Variants in ESRP1 observed in about 807,000 individuals in gnomAD.
ESRP1 encodes the protein epithelial splicing regulatory protein 1.
Under a neutral mutation model 81.7 loss-of-function variants are expected in ESRP1, and 33 were observed. The ratio of observed to expected loss-of-function variants is 0.40; its 90% CI spans 0.31 to 0.54. The LOEUF (loss-of-function observed/expected upper bound fraction) is 0.54, where lower values mean the gene tolerates loss of function less well. Among genes scored for constraint, ESRP1 ranks in the 20% least tolerant of loss-of-function variants. The probability of loss-of-function intolerance (pLI) is 0.41; values close to 1 mark genes in which losing one functional copy is unlikely to be tolerated. For missense variants in ESRP1, 672 were observed against 833.1 expected (o/e 0.81, Z 2.38); for synonymous variants, 320 against 303.3 (o/e 1.06, Z -0.57).
At position 94,662,783 on chromosome 8, in the gene ESRP1, T is replaced by C. The variant is rs938786523; in HGVS notation, c.644+228T>C. On this transcript the variant is annotated intron_variant, in intron 6 of 15. Transcript: ENST00000433389. ...CTACCATACCTGGCTAATTTTTTTG[T>C]AGTTTTAGTAGAGATGGGGTTTCAC... is the stretch of plus-strand genomic sequence containing the variant. 3.3e-5 allele frequency among the ~76,000 whole-genome samples: 5 copies of C among 152,166 alleles called. No homozygotes were observed. The South Asian group carries it at 8.3e-4, about 25-fold the overall frequency.
In ESRP1 at chr8:94,678,333, C is replaced by A; in HGVS notation, c.1782C>A (p.Gly594=). 2 of 1,613,950 alleles carry A rather than the reference C, an allele frequency of 1.2e-6. No individual in the cohort carries two copies. The highest frequency in any genetic ancestry group is 1.7e-6 in the Non-Finnish European group (2 of 1,179,868). Residue 594 remains glycine, a synonymous_variant, in exon 13 of 16, where the codon GGC becomes GGA. Transcript: ENST00000433389. ...LQPSTAYYPA[G]TQLFMNYTAY... ...CCTCCACAGCGTACTACCCAGCAGG[C>A]ACTCAGCTCTTCATGAATTACACAG...
chr8:94,668,813 G>GTGTGTGTGTGTGT (rs1489119099), intron 10 of ESRP1, among the ~76,000 whole-genome samples: 4 of 151,478 alleles, frequency 2.6e-5, no homozygotes, highest in Admixed American at 6.6e-5. Context: ...GTGTGTTTGA[G>GTGTGTGTGTGTGT]ATGGGGTCTT....
chr8:94,658,422 A>T (rs1818546740), intron 4 of ESRP1, among the ~76,000 whole-genome samples: 1 of 152,242 alleles, frequency 6.6e-6, no homozygotes, highest in Non-Finnish European at 1.5e-5. Flanking sequence ...AGGAAATGTT[A>T]CAACAGTCGA....
intron 4 of ESRP1, among the ~76,000 whole-genome samples, chr8:94,648,959 GCCT>G (rs1283797896): frequency 1.3e-5 from 2 of 152,216 alleles, no homozygotes; most frequent in South Asian, 2.1e-4. Flanking sequence ...GGTGGCTCAT[GCCT>G]GTAATCCCAG....
chr8:94,696,911 A>G lies in ESRP1; in HGVS notation c.2031A>G (p.Glu677=). The change falls in exon 15 of 16, where the codon GAA becomes GAG. Residue 677 remains glutamate, a synonymous_variant. Transcript: ENST00000433389. ...TNDQARTLPK[E]WVCI ...ACCAGGCCAGGACTCTACCCAAAGA[A>G]TGGGTTTGTATTTAAGGGCCCCAGC... is the stretch of plus-strand genomic sequence containing the variant. 6.3e-7 allele frequency: 1 copy of G among 1,590,696 alleles called. No individual in the cohort carries two copies. The highest frequency in any genetic ancestry group is 8.6e-7 in the Non-Finnish European group (1 of 1,167,538).
intron 13 of ESRP1, among the ~76,000 whole-genome samples, chr8:94,690,276 ATTTTTTTTTTTTT>A (rs373440584): frequency 6.7e-4 from 41 of 61,372 alleles, no homozygotes; most frequent in African/African-American, 2.4e-3. Flanking sequence ...TGCCTGGCTA[ATTTTTTTTTTTTT>A]TTTTTTTTTT....
chr8:94,665,235 A>C (rs1429472987), intron 9 of ESRP1, 39 bp downstream of exon 9: 3 of 1,592,886 alleles, frequency 1.9e-6, no homozygotes, highest in South Asian at 2.3e-5. Flanking sequence ...AGTTAATAAG[A>C]ATCTAAAAAT....
At chr8:94,669,089 T>A (rs1819174148) in intron 10 of ESRP1, among the ~76,000 whole-genome samples, 2 of 152,144 alleles carry the variant, frequency 1.3e-5, no homozygotes, top group Non-Finnish European at 2.9e-5. Context: ...CTGGCAACTT[T>A]CAGCATTTTT....
chr8:94,651,336 A>T lies in ESRP1; in HGVS notation c.490+5054A>T, dbSNP rs547830320. Among the ~76,000 whole-genome samples the T allele has an allele frequency of 3.3e-5, 5 of 149,642 alleles. No individual in the cohort carries two copies. In the South Asian group the frequency reaches 1.1e-3, roughly 32 times the overall value. ...CTATCGTGGCTCACTGTGGCCTCAA[A>T]CTCCTGCACCCTAGGCAAGTAGTTG... On this transcript the variant is annotated intron_variant, in intron 4 of 15. Coordinates refer to ENST00000433389, the MANE Select transcript of ESRP1 (RefSeq NM_017697.4).
intron 13 of ESRP1, among the ~76,000 whole-genome samples, chr8:94,680,982 C>T (rs1361651868): frequency 6.6e-6 from 1 of 151,646 alleles, no homozygotes; most frequent in Non-Finnish European, 1.5e-5. Context: ...GTGGGAGGAT[C>T]ACTGGAAGCC....
At chr8:94,641,933 C>A (rs376426173) in intron 1 of ESRP1, 23 bp from the exon 2 acceptor site, 300 of 1,612,542 alleles carry the variant, frequency 1.9e-4, no homozygotes, top group Non-Finnish European at 2.3e-4. Context: ...GGGAAACTGA[C>A]CCGTGCTTCT....
chr8:94,661,557 A>G (rs998134211), intron 4 of ESRP1, among the ~76,000 whole-genome samples: 3 of 152,160 alleles, frequency 2.0e-5, no homozygotes, highest in African/African-American at 7.2e-5. Flanking sequence ...ATACATCCTT[A>G]TTTTAGAGAG....
chr8:94,694,261 G>C (rs1265502065), intron 14 of ESRP1, among the ~76,000 whole-genome samples: 1 of 152,136 alleles, frequency 6.6e-6, no homozygotes, highest in African/African-American at 2.4e-5. Context: ...AATAGAATTA[G>C]GTTGCCTTAC....
In ESRP1 at chr8:94,646,181, C is replaced by G. The variant is rs780879258; in HGVS notation, c.389C>G (p.Pro130Arg). 1 of 1,605,892 alleles carries G rather than the reference C, an allele frequency of 6.2e-7. No individual in the cohort carries two copies. Among genetic ancestry groups the G allele is most frequent in the Non-Finnish European group, 8.5e-7 (1 of 1,173,884 alleles). ...GTCCTTCCTCAGAATGTACTATTAC[C>G]TGAATGCTTCTATTCCTTTTTTGAT... ...PEASKKNVLL[P>R]ECFYSFFDLR... The change falls in exon 4 of 16, where the codon CCT becomes CGT. Residue 130 changes from proline (P) to arginine (R), a missense_variant. Coordinates refer to ENST00000433389, the MANE Select transcript of ESRP1 (RefSeq NM_017697.4).
Position 94,641,525 on chromosome 8 carries a change from G to C in ESRP1, c.132+75G>C, listed in dbSNP as rs946306767. 12 of 1,593,528 alleles carry C rather than the reference G, an allele frequency of 7.5e-6. No individual in the cohort carries two copies. In the East Asian group the frequency reaches 2.2e-4, roughly 30 times the overall value. On this transcript the variant is annotated intron_variant, in intron 1 of 15. Transcript: ENST00000433389. The stretch of plus-strand genomic sequence containing the variant: ...GTGGTAGAGGTTTGGGCGGGGAGGG[G>C]GGTGGAGGTAAGTAAATAAGTGCTC...
chr8:94,663,191 A>G (rs1818841525), intron 6 of ESRP1, among the ~76,000 whole-genome samples: 1 of 152,206 alleles, frequency 6.6e-6, no homozygotes, highest in Admixed American at 6.5e-5. Flanking sequence ...AGGCTTTAAT[A>G]GAGTTCACAA....
Position 94,668,002 on chromosome 8 carries a change from C to T in ESRP1, c.985C>T (p.Arg329Cys), listed in dbSNP as rs1245813135. Residue 329 changes from arginine to cysteine, a missense_variant, in exon 10 of 16, where the codon CGC (arginine) becomes TGC (cysteine). Coordinates refer to ENST00000433389, the MANE Select transcript of ESRP1 (RefSeq NM_017697.4). ...FLSKENQVIV[R>C]MRGLPFTATA... The stretch of plus-strand genomic sequence containing the variant: ...CTCCAAGGAAAATCAAGTCATTGTC[C>T]GCATGCGGGGGCTCCCTTTCACGGC... 3 of 1,612,042 alleles carry T rather than the reference C, an allele frequency of 1.9e-6. No individual in the cohort carries two copies. The highest frequency in any genetic ancestry group is 2.2e-5 in the East Asian group (1 of 44,840).
intron 4 of ESRP1, among the ~76,000 whole-genome samples, chr8:94,652,190 G>A (rs1433187651): frequency 6.6e-6 from 1 of 151,190 alleles, no homozygotes; most frequent in African/African-American, 2.4e-5. Flanking sequence ...GTTTCACCAT[G>A]TTGGCGAGGC....
chr8:94,665,334 C>A (rs1009514160), intron 9 of ESRP1, 138 bp downstream of exon 9: 4 of 878,312 alleles, frequency 4.6e-6, no homozygotes, highest in African/African-American at 3.4e-5. Context: ...ATTTTCTTCC[C>A]CAGAGGTAGA....
Sources: allele counts gnomAD v4.1 joint callset (sites outside exome capture counted in the v4.1 genomes callset), GRCh38; gene constraint gnomAD v4.1.1; transcripts MANE v1.5; gene names NCBI Gene and HGNC (gene_info 2026-07-23, HGNC 2026-07-21).